CDKAL1: variants seen among roughly 807,000 people sequenced by gnomAD.
CDKAL1 encodes threonylcarbamoyladenosine tRNA methylthiotransferase.
CDKAL1 carries 32 observed loss-of-function variants against 68.2 expected under a neutral mutation model. The ratio of observed to expected loss-of-function variants is 0.47; its 90% CI spans 0.35 to 0.63. The LOEUF (loss-of-function observed/expected upper bound fraction) is 0.63. Ranked by LOEUF, CDKAL1 falls within the 30% of genes least tolerant of loss-of-function variation. The pLI is 0.00. For synonymous variants in CDKAL1, 234 were observed against 244.3 expected (o/e 0.96, Z 0.39); for missense variants, 606 against 696.7 (o/e 0.87, Z 1.47).
chr6:20,620,183 C>G (rs1033513473), intron 4 of CDKAL1, among the ~76,000 whole-genome samples: 45 of 152,114 alleles, frequency 3.0e-4, no homozygotes, highest in Non-Finnish European at 1.3e-4. Flanking sequence ...ATAGCTTATA[C>G]TGGAGAAAAG....
chr6:21,097,290 T>A (rs575006981), intron 12 of CDKAL1, among the ~76,000 whole-genome samples: 3 of 152,164 alleles, frequency 2.0e-5, no homozygotes, highest in Admixed American at 6.5e-5. Flanking sequence ...ACCAACAGGG[T>A]GAAACCCCGT....
rs757979535 is a variant in CDKAL1 at position 20,707,346 on chromosome 6, G to A, written c.372-32173G>A. Reference sequence around the variant, plus strand: ...ATGATGAAATATTTGACTACTGGGTGTTTGAAGTAAGAAAACAAATCCTTT... The same window carrying A: ...ATGATGAAATATTTGACTACTGGGTATTTGAAGTAAGAAAACAAATCCTTT... On this transcript the variant is annotated intron_variant, in intron 5 of 15. Transcript: ENST00000274695. Among the ~76,000 whole-genome samples the A allele has an allele frequency of 3.2e-4, 49 of 152,206 alleles. 1 individual carries two copies. The highest frequency in any genetic ancestry group is 1.9e-4 in the East Asian group (1 of 5,200).
rs115926949 is a variant in CDKAL1 at position 20,911,171 on chromosome 6, G to A, written c.743-44248G>A. Reference sequence around the variant, plus strand: ...TATCTAATTTGATATTTATGATAACGAGTAAGTTAGGCACTATTCATTAAC... The same window carrying A: ...TATCTAATTTGATATTTATGATAACAAGTAAGTTAGGCACTATTCATTAAC... On this transcript the variant is annotated intron_variant, in intron 9 of 15. Coordinates refer to ENST00000274695, the MANE Select transcript of CDKAL1 (RefSeq NM_017774.3). 4.2e-3 allele frequency among the ~76,000 whole-genome samples: 642 copies of A among 152,270 alleles called. 5 individuals are homozygous for A. The highest frequency in any genetic ancestry group is 0.015 in the African/African-American group (611 of 41,544).
intron 10 of CDKAL1, among the ~76,000 whole-genome samples, chr6:21,000,021 T>C (rs1282540517): frequency 6.6e-6 from 1 of 152,220 alleles, no homozygotes; most frequent in Non-Finnish European, 1.5e-5. Flanking sequence ...GAGGAAATAA[T>C]TGTTGTGTGG....
chr6:20,824,795 C>G (rs1430775776), intron 8 of CDKAL1, among the ~76,000 whole-genome samples: 1 of 147,044 alleles, frequency 6.8e-6, no homozygotes, highest in East Asian at 2.1e-4. Flanking sequence ...AGTCAGGATT[C>G]TGGAGGCCAT....
chr6:20,609,053 A>T (rs1194886970), intron 4 of CDKAL1, among the ~76,000 whole-genome samples: 1 of 152,226 alleles, frequency 6.6e-6, no homozygotes, highest in Non-Finnish European at 1.5e-5. Flanking sequence ...CTGTGTCTTT[A>T]TCTGTGTTAC....
chr6:20,736,023 G>T (rs1318039572), intron 5 of CDKAL1, among the ~76,000 whole-genome samples: 1 of 152,164 alleles, frequency 6.6e-6, no homozygotes, highest in Non-Finnish European at 1.5e-5. Context: ...GCATTTCAGA[G>T]ATTTGATGGG....
In CDKAL1 at chr6:21,029,570, G is replaced by A. The variant is rs149864135; in HGVS notation, c.1055+29198G>A. ...ACCTGCAGAATGGGAGAAAATTTTT[G>A]CAATCTACTTATCTGGCAAAGGTGT... On this transcript the variant is annotated intron_variant, in intron 11 of 15. Coordinates refer to ENST00000274695, the MANE Select transcript of CDKAL1 (RefSeq NM_017774.3). Among the ~76,000 whole-genome samples the A allele has an allele frequency of 4.0e-3, 606 of 152,186 alleles. 5 individuals are homozygous for A. Among genetic ancestry groups the A allele is most frequent in the African/African-American group, 0.014 (580 of 41,550 alleles).
intron 13 of CDKAL1, among the ~76,000 whole-genome samples, chr6:21,182,372 G>T (rs548023094): frequency 4.3e-4 from 65 of 152,276 alleles, no homozygotes; most frequent in African/African-American, 1.4e-3. Flanking sequence ...AGAACCTATT[G>T]TGAGTCAGGC....
At chr6:20,716,300 A>G (rs577748130) in intron 5 of CDKAL1, among the ~76,000 whole-genome samples, 1 of 152,344 alleles carries the variant, frequency 6.6e-6, no homozygotes, top group East Asian at 1.9e-4. Flanking sequence ...ATTTTATATA[A>G]TATGGTCAGG....
chr6:20,942,508 C>A (rs1411933691), intron 9 of CDKAL1, among the ~76,000 whole-genome samples: 1 of 150,468 alleles, frequency 6.6e-6, no homozygotes, highest in Non-Finnish European at 1.5e-5. Flanking sequence ...GCTGGGATTA[C>A]AGTTGGGTGC....
At chr6:21,158,660 T>C (rs1776756778) in intron 13 of CDKAL1, among the ~76,000 whole-genome samples, 2 of 152,246 alleles carry the variant, frequency 1.3e-5, no homozygotes, top group African/African-American at 4.8e-5. Flanking sequence ...GAGACCTGTG[T>C]AACCACAAGC....
chr6:21,054,591 T>C (rs1327348924), intron 11 of CDKAL1, among the ~76,000 whole-genome samples: 1 of 152,186 alleles, frequency 6.6e-6, no homozygotes, highest in Non-Finnish European at 1.5e-5. Context: ...GAAAATTATA[T>C]ATTCTTCCAT....
intron 4 of CDKAL1, among the ~76,000 whole-genome samples, chr6:20,580,540 A>G (rs996967345): frequency 6.6e-6 from 1 of 152,130 alleles, no homozygotes; most frequent in African/African-American, 2.4e-5. Flanking sequence ...TCAGGGCTTC[A>G]GAGTTACTTC....
chr6:21,147,969 A>G (rs1776257383), intron 13 of CDKAL1, among the ~76,000 whole-genome samples: 1 of 152,218 alleles, frequency 6.6e-6, no homozygotes, highest in Non-Finnish European at 1.5e-5. Flanking sequence ...GTAGGCGGAA[A>G]GCATGTTCTA....
At chr6:20,733,551 C>T (rs1773053746) in intron 5 of CDKAL1, among the ~76,000 whole-genome samples, 2 of 152,172 alleles carry the variant, frequency 1.3e-5, no homozygotes, top group Admixed American at 1.3e-4. Context: ...AGTTGTATAA[C>T]AAAAGTTCCC....
At chr6:21,076,258 A>T (rs981002263) in intron 12 of CDKAL1, among the ~76,000 whole-genome samples, 1 of 152,190 alleles carries the variant, frequency 6.6e-6, no homozygotes, top group African/African-American at 2.4e-5. Context: ...CTTGGAACAG[A>T]TATTGAATAA....
intron 5 of CDKAL1, among the ~76,000 whole-genome samples, chr6:20,687,468 G>A (rs1457183977): frequency 4.6e-5 from 7 of 152,034 alleles, no homozygotes; most frequent in Non-Finnish European, 1.0e-4. Context: ...AGATCAATCA[G>A]GGATAAGAAA....
intron 10 of CDKAL1, among the ~76,000 whole-genome samples, chr6:20,958,813 G>T (rs1764909032): frequency 6.6e-6 from 1 of 151,994 alleles, no homozygotes; most frequent in Non-Finnish European, 1.5e-5. Context: ...GTACTTGGCT[G>T]GTTTGTTTTC....
Sources: gnomAD v4.1 joint callset for allele counts (sites outside exome capture counted in the v4.1 genomes callset) on GRCh38, gnomAD v4.1.1 for gene constraint, MANE v1.5 for transcripts, NCBI Gene and HGNC (gene_info 2026-07-23, HGNC 2026-07-21) for gene names.